Variants in ATP2B1 observed in about 807,000 individuals in gnomAD.
ATP2B1 encodes ATPase plasma membrane Ca2+ transporting 1, also known as plasma membrane calcium-transporting ATPase 1.
A neutral mutation model predicts 124.2 loss-of-function variants in ATP2B1; 14 were observed. The ratio of observed to expected loss-of-function variants is 0.11; its 90% CI spans 0.07 to 0.18. ATP2B1 has a LOEUF of 0.18. Among genes scored for constraint, ATP2B1 ranks in the 10% least tolerant of loss-of-function variants. The pLI, the probability that ATP2B1 is intolerant of heterozygous loss-of-function variation, is 1.00. For missense variants in ATP2B1, 763 were observed against 1,466.1 expected (o/e 0.52, Z 7.83); for synonymous variants, 449 against 492.4 (o/e 0.91, Z 1.17).
At chr12:89,632,692 G>A (rs1882064828) in intron 5 of ATP2B1, among the ~76,000 whole-genome samples, 1 of 152,188 alleles carries the variant, frequency 6.6e-6, no homozygotes, top group African/African-American at 2.4e-5. Flanking sequence ...ATGGCATCAT[G>A]AGAGTAAATT....
intron 1 of ATP2B1, among the ~76,000 whole-genome samples, chr12:89,678,206 A>G (rs886696787): frequency 6.6e-6 from 1 of 151,966 alleles, no homozygotes; most frequent in Non-Finnish European, 1.5e-5. Flanking sequence ...TTTTCCCTAA[A>G]AAACCCCCAA....
chr12:89,598,320 A>G (rs1006586155), intron 20 of ATP2B1, among the ~76,000 whole-genome samples: 11 of 152,294 alleles, frequency 7.2e-5, no homozygotes, highest in Non-Finnish European at 1.5e-4. Flanking sequence ...CTAAGCTACA[A>G]TTTTATTCCC....
intron 1 of ATP2B1, among the ~76,000 whole-genome samples, chr12:89,677,971 T>TATATATATATATATATATATAC (rs1461216851): frequency 2.0e-3 from 104 of 52,260 alleles, no homozygotes; most frequent in Non-Finnish European, 3.0e-3. Context: ...TATATATATA[T>TATATATATATATATATATATAC]ACACACACAC....
intron 2 of ATP2B1, among the ~76,000 whole-genome samples, chr12:89,652,661 G>A (rs1181756209): frequency 6.6e-6 from 1 of 152,204 alleles, no homozygotes; most frequent in African/African-American, 2.4e-5. Context: ...AAATGCTTCC[G>A]AGTGAATTAT....
At chr12:89,696,525 C>T (rs1244202023) in intron 1 of ATP2B1, among the ~76,000 whole-genome samples, 1 of 152,016 alleles carries the variant, frequency 6.6e-6, no homozygotes, top group Non-Finnish European at 1.5e-5. Context: ...TTCTAAAAAG[C>T]ACATAATTAT....
chr12:89,592,833 A>G lies in ATP2B1; in HGVS notation c.3352-1538T>C, dbSNP rs146385524. The stretch of plus-strand genomic sequence containing the variant: ...TTCTCGAACTTTAATGTGCATACAA[A>G]TTAGTTGGGGATCTTGTTAAAATGC... On this transcript the variant is annotated intron_variant, in intron 20 of 20. Coordinates refer to ENST00000428670, the MANE Select transcript of ATP2B1 (RefSeq NM_001366521.1). 4.3e-4 allele frequency among the ~76,000 whole-genome samples: 65 copies of G among 152,160 alleles called. 1 individual carries two copies. Among genetic ancestry groups the G allele is most frequent in the African/African-American group, 1.5e-3 (61 of 41,544 alleles).
chr12:89,606,926 C>T (rs1246374760), intron 15 of ATP2B1, among the ~76,000 whole-genome samples: 6 of 152,086 alleles, frequency 3.9e-5, no homozygotes, highest in Admixed American at 3.3e-4. Flanking sequence ...TCTTGATTCT[C>T]ATCATACCCA....
intron 11 of ATP2B1, 86 bp downstream of exon 11, chr12:89,619,913 A>C (rs1316635053): frequency 2.6e-6 from 4 of 1,510,848 alleles, no homozygotes; most frequent in Non-Finnish European, 2.7e-6. Context: ...GATGTTCACA[A>C]AAAGACAACA....
intron 1 of ATP2B1, among the ~76,000 whole-genome samples, chr12:89,671,958 T>C (rs1196633297): frequency 6.6e-6 from 1 of 152,004 alleles, no homozygotes; most frequent in Non-Finnish European, 1.5e-5. Flanking sequence ...TCCTGAGAGG[T>C]CCCTTTAGAG....
chr12:89,659,126 G>A (rs1170888442), intron 1 of ATP2B1, among the ~76,000 whole-genome samples: 2 of 152,142 alleles, frequency 1.3e-5, no homozygotes, highest in Non-Finnish European at 2.9e-5. Flanking sequence ...CAGGCTATTT[G>A]GGACTGATAT....
intron 1 of ATP2B1, among the ~76,000 whole-genome samples, chr12:89,692,662 T>C (rs1045314138): frequency 1.3e-5 from 2 of 152,230 alleles, no homozygotes; most frequent in Non-Finnish European, 2.9e-5. Flanking sequence ...TGATTGTTTT[T>C]GAACTTCGTG....
intron 8 of ATP2B1, 66 bp from the exon 9 acceptor site, chr12:89,624,463 ATAAAT>A (rs754195212): frequency 3.4e-5 from 45 of 1,312,912 alleles, no homozygotes; most frequent in South Asian, 8.3e-5. Context: ...CTTGCCAGAT[ATAAAT>A]TAAACACTGT....
Position 89,602,283 on chromosome 12 carries a change from T to C in ATP2B1, c.3060+760A>G, listed in dbSNP as rs1592713216. On this transcript the variant is annotated intron_variant, in intron 18 of 20. Coordinates refer to ENST00000428670, the MANE Select transcript of ATP2B1 (RefSeq NM_001366521.1). ...CCTGTCTTAATTAAAAAATAAATAA[T>C]TTTTTAAAAAAAGAATCAATTAACA... Among the ~76,000 whole-genome samples, 4 of 152,082 alleles carry C rather than the reference T, an allele frequency of 2.6e-5. No homozygotes were observed. The South Asian group carries it at 8.3e-4, about 32-fold the overall frequency.
chr12:89,637,529 C>G (rs1837567838), intron 3 of ATP2B1, among the ~76,000 whole-genome samples: 1 of 151,778 alleles, frequency 6.6e-6, no homozygotes, highest in East Asian at 1.9e-4. Flanking sequence ...TCCCAAGTAG[C>G]TTAGACCACA....
intron 1 of ATP2B1, among the ~76,000 whole-genome samples, chr12:89,685,576 T>G (rs1186468721): frequency 6.6e-6 from 1 of 152,152 alleles, no homozygotes; most frequent in Non-Finnish European, 1.5e-5. Flanking sequence ...CCAGACCTCT[T>G]AAGTCAGAAA....
chr12:89,676,804 C>T (rs1031287603), intron 1 of ATP2B1, among the ~76,000 whole-genome samples: 3 of 152,116 alleles, frequency 2.0e-5, no homozygotes, highest in Non-Finnish European at 2.9e-5. Context: ...CACAGTCTTA[C>T]AAGATACTTA....
intron 18 of ATP2B1, 66 bp from the exon 19 acceptor site, chr12:89,601,499 AT>A (rs1400789610): frequency 4.0e-6 from 4 of 1,003,346 alleles, no homozygotes; most frequent in South Asian, 1.7e-5. Context: ...ACTTAAAAAA[AT>A]ATCAAATTTA....
In ATP2B1 at chr12:89,590,815, A is replaced by G; in HGVS notation, c.*169T>C. On this transcript the variant is annotated 3_prime_UTR_variant, in exon 21 of 21. Transcript: ENST00000428670. Reference sequence around the variant, plus strand: ...CCAAAAAGCACCCTCAGTCTGGCAGAAAGCTTTGCTTTTTTTTTTTTAAAA... The same window carrying G: ...CCAAAAAGCACCCTCAGTCTGGCAGGAAGCTTTGCTTTTTTTTTTTTAAAA... 1.3e-6 allele frequency: 1 copy of G among 762,586 alleles called. No individual in the cohort carries two copies. The highest frequency in any genetic ancestry group is 2.0e-5 in the South Asian group (1 of 49,586). 47.2% of individuals were successfully genotyped at this position (762,586 alleles called of 1,614,324 possible).
rs569062823 is a variant in ATP2B1 at position 89,612,965 on chromosome 12, G to A, written c.2068-1593C>T. 3.3e-5 allele frequency among the ~76,000 whole-genome samples: 5 copies of A among 152,032 alleles called. No individual in the cohort carries two copies. The South Asian group carries it at 1.0e-3, about 32-fold the overall frequency. ...ATAATAGCAAGGTACATTTTTTAAGGGGTGCACATTCCAGACAAGGTACTT... is the reference window on the plus strand; with the variant it reads ...ATAATAGCAAGGTACATTTTTTAAGAGGTGCACATTCCAGACAAGGTACTT... On this transcript the variant is annotated intron_variant, in intron 12 of 20. Transcript: ENST00000428670.
Sources: allele counts gnomAD v4.1 joint callset (sites outside exome capture counted in the v4.1 genomes callset), GRCh38; gene constraint gnomAD v4.1.1; transcripts MANE v1.5; gene names NCBI Gene and HGNC (gene_info 2026-07-23, HGNC 2026-07-21).